The following RANBP6 variants were observed in gnomAD, a reference collection of about 807,000 sequenced individuals.
The protein encoded by RANBP6 is RAN binding protein 6.
Under a neutral mutation model 35.3 loss-of-function variants are expected in RANBP6, and 10 were observed. The ratio of observed to expected loss-of-function variants is 0.28; its 90% CI spans 0.17 to 0.48. The LOEUF is 0.48. RANBP6 is among the 20% of genes least tolerant of loss of function. RANBP6 has a pLI of 0.99. For synonymous variants in RANBP6, 514 were observed against 464.2 expected, an observed-to-expected ratio of 1.11 and a Z score of -1.38; for missense variants, 1,392 against 1,307.7, an observed-to-expected ratio of 1.06 and a Z score of -0.99.
Position 6,014,746 on chromosome 9 carries a change from G to C in RANBP6, c.862C>G (p.Leu288Val). The C allele has an allele frequency of 6.2e-7, 1 of 1,614,126 alleles. No homozygotes were observed. Among genetic ancestry groups the C allele is most frequent in the East Asian group, 2.2e-5 (1 of 44,886 alleles). The change falls in exon 1 of 1, where the codon CTC becomes GTC. Residue 288 changes from leucine to valine, a missense_variant. Leu to Val is a conservative substitution (Grantham distance 32). Coordinates refer to ENST00000259569, the MANE Select transcript of RANBP6 (RefSeq NM_012416.4). Reference protein sequence around the residue: ...RLSNLQRQLALEVIVTLSETA... With the variant: ...RLSNLQRQLAVEVIVTLSETA... The stretch of plus-strand genomic sequence containing the variant: ...TCAGACAAGGTCACTATAACTTCGA[G>C]GGCCAGCTGGCGCTGCAGATTACTA...
Position 6,014,512 on chromosome 9 carries a change from T to C in RANBP6, c.1096A>G (p.Met366Val), listed in dbSNP as rs1189450723. ...CGLGGKVVLP[M>V]TKEHIMQMLQ... is the part of the protein sequence containing the mutation. ...ATCTGCATGATATGCTCCTTGGTCA[T>C]TGGTAAAACAACTTTTCCACCAAGC... The change falls in exon 1 of 1, where the codon ATG becomes GTG. Residue 366 changes from methionine to valine, a missense_variant. Coordinates refer to ENST00000259569, the MANE Select transcript of RANBP6 (RefSeq NM_012416.4). The C allele has an allele frequency of 1.9e-6, 3 of 1,614,092 alleles. No homozygotes were observed. The highest frequency in any genetic ancestry group is 2.5e-6 in the Non-Finnish European group (3 of 1,180,042).
chr9:6,015,477 A>G lies in RANBP6; in HGVS notation c.131T>C (p.Ile44Thr). The G allele has an allele frequency of 1.9e-6, 3 of 1,614,114 alleles. No homozygotes were observed. Among genetic ancestry groups the G allele is most frequent in the Non-Finnish European group, 2.5e-6 (3 of 1,180,046 alleles). ...GAAGGTAGTCTTACACAGACCTGGG[A>G]TATTTTCATAGATTTCCTCTGCTTG... ...RRQAEEIYEN[I>T]PGLCKTTFLL... The change falls in exon 1 of 1, where the codon ATC becomes ACC. Residue 44 changes from isoleucine (I) to threonine (T), a missense_variant. By Grantham distance (89) the Ile-to-Thr change is moderately conservative. Transcript: ENST00000259569.
At position 6,014,094 on chromosome 9, in the gene RANBP6, A is replaced by T. The variant is rs1195643608; in HGVS notation, c.1514T>A (p.Leu505His). 1 of 1,613,964 alleles carries T rather than the reference A, an allele frequency of 6.2e-7. No individual in the cohort carries two copies. Among genetic ancestry groups the T allele is most frequent in the Non-Finnish European group, 8.5e-7 (1 of 1,180,028 alleles). ...AGTTCCATTCCGAATCAACTCTTGA[A>T]GTTTAATCACCAAGACGGAATGTAG... is the stretch of plus-strand genomic sequence containing the variant. ...KNLHSVLVIK[L>H]QELIRNGTKL... The change falls in exon 1 of 1, where the codon CTT (leucine) becomes CAT (histidine). Residue 505 changes from leucine to histidine, a missense_variant. Leu to His is a moderately conservative substitution (Grantham distance 99). Coordinates refer to ENST00000259569, the MANE Select transcript of RANBP6 (RefSeq NM_012416.4).
Position 6,013,839 on chromosome 9 carries a change from T to A in RANBP6, c.1769A>T (p.Gln590Leu). 1 of 1,614,068 alleles carries A rather than the reference T, an allele frequency of 6.2e-7. No homozygotes were observed. Residue 590 changes from glutamine to leucine, a missense_variant, in exon 1 of 1, where the codon CAG (glutamine) becomes CTG (leucine). Transcript: ENST00000259569. ...GTCTGATTGTGTCTTCAACAACAGC[T>A]GCATCACATTTGATGCATCTTGCAT... ...KFMQDASNVMQLLLKTQSDLN... is the reference protein window; with the variant it reads ...KFMQDASNVMLLLLKTQSDLN...
rs751258787 is a variant in RANBP6, at chr9:6,013,040, T to A, written c.2568A>T (p.Ser856=). The A allele has an allele frequency of 8.7e-6, 14 of 1,613,750 alleles. No individual in the cohort carries two copies. Among genetic ancestry groups the A allele is most frequent in the Non-Finnish European group, 1.2e-5 (14 of 1,179,936 alleles). ...TCTTTTCCTTATAAGTACTAAATAA[T>A]GAGTGCAAAATATCTGATACTTTGG... ...ILTKVSDILH[S]LFSTYKEKIL... Residue 856 remains serine (S), a synonymous_variant, in exon 1 of 1, where the codon TCA becomes TCT. Transcript: ENST00000259569.
chr9:6,012,242 T>C lies in RANBP6; in HGVS notation c.*48A>G. 1 of 1,304,868 alleles carries C rather than the reference T, an allele frequency of 7.7e-7. No individual in the cohort carries two copies. Among genetic ancestry groups the C allele is most frequent in the South Asian group, 1.5e-5 (1 of 64,744 alleles). The allele number at this position is 1,304,868 out of a possible 1,614,324, so 80.8% of individuals were successfully genotyped here. A position where few individuals can be genotyped will look rare whatever the true frequency, so the allele number is the denominator to read the frequency against. On this transcript the variant is annotated 3_prime_UTR_variant, in exon 1 of 1. Coordinates refer to ENST00000259569, the MANE Select transcript of RANBP6 (RefSeq NM_012416.4). ...AATAAAATCTATTCACAACACTTAT[T>C]TGTAGTTACTTTTATAATAGATAAT... is the stretch of plus-strand genomic sequence containing the variant.
At position 6,014,376 on chromosome 9, in the gene RANBP6, G is replaced by A; in HGVS notation, c.1232C>T (p.Ser411Phe). 6.2e-7 allele frequency: 1 copy of A among 1,613,864 alleles called. No homozygotes were observed. The highest frequency in any genetic ancestry group is 8.5e-7 in the Non-Finnish European group (1 of 1,179,754). Reference protein sequence around the residue: ...MESILDETVNSVLLFLQDPHP... With the variant: ...MESILDETVNFVLLFLQDPHP... ...AGGATCCTGAAGAAAAAGCAAAACG[G>A]AGTTAACTGTTTCATCTAGAATTGA... Residue 411 changes from serine (S) to phenylalanine (F), a missense_variant, in exon 1 of 1, where the codon TCC becomes TTC. Transcript: ENST00000259569.
Position 6,015,275 on chromosome 9 carries a change from A to G in RANBP6, c.333T>C (p.Ala111=), listed in dbSNP as rs1842554195. The G allele has an allele frequency of 6.2e-7, 1 of 1,614,236 alleles. No homozygotes were observed. The highest frequency in any genetic ancestry group is 8.5e-7 in the Non-Finnish European group (1 of 1,180,044). ...TATCACAAAGTTTTTTCCTCATGCT[A>G]GCATGTGTTTCTAACTTAACAGCCA... is the stretch of plus-strand genomic sequence containing the variant. The part of the protein sequence containing the change: ...LILAVKLETH[A]SMRKKLCDIF... Residue 111 remains alanine (A), a synonymous_variant, in exon 1 of 1, where the codon GCT becomes GCC. Coordinates refer to ENST00000259569, the MANE Select transcript of RANBP6 (RefSeq NM_012416.4).
rs745731616 is a variant in RANBP6 at position 6,012,698 on chromosome 9, G to A, written c.2910C>T (p.Thr970=). The A allele has an allele frequency of 5.6e-6, 9 of 1,607,708 alleles. No homozygotes were observed. In the East Asian group the frequency reaches 2.0e-4, roughly 36 times the overall value. The change falls in exon 1 of 1, where the codon ACC becomes ACT. Residue 970 remains threonine, a synonymous_variant. Coordinates refer to ENST00000259569, the MANE Select transcript of RANBP6 (RefSeq NM_012416.4). The part of the protein sequence containing the change: ...VKVIKCANSK[T]KKNVIATENC... ...TCTCTGTAGCAATGACATTTTTTTT[G>A]GTTTTGGAATTTGCACACTTAATAA... is the stretch of plus-strand genomic sequence containing the variant.
At position 6,014,830 on chromosome 9, in the gene RANBP6, C is replaced by A. The variant is rs530947222; in HGVS notation, c.778G>T (p.Gly260Cys). The A allele has an allele frequency of 6.2e-7, 1 of 1,614,164 alleles. No homozygotes were observed. The highest frequency in any genetic ancestry group is 1.1e-5 in the South Asian group (1 of 91,082). Residue 260 changes from glycine to cysteine, a missense_variant, in exon 1 of 1, where the codon GGT becomes TGT. Transcript: ENST00000259569. Reference sequence around the variant, plus strand: ...TGTAGAGTATCTTCTAAATAAGGACCCAAGTACTTAGGTACGGTATCTGCA... The same window carrying A: ...TGTAGAGTATCTTCTAAATAAGGACACAAGTACTTAGGTACGGTATCTGCA... Reference protein sequence around the residue: ...EIADTVPKYLGPYLEDTLQLS... With the variant: ...EIADTVPKYLCPYLEDTLQLS...
rs931005326 is a variant in RANBP6, at chr9:6,011,608, G to T, written c.*682C>A. The T allele has an allele frequency of 1.3e-5, 2 of 152,124 alleles. No homozygotes were observed. The highest frequency in any genetic ancestry group is 4.8e-5 in the African/African-American group (2 of 41,416). The allele number at this position is 152,124 out of a possible 1,614,324, so 9.4% of individuals were successfully genotyped here. ...TAGATGTATCAGGACTCCCTTTTCAGTAACTATGGTTCTTGGAGTCCTGGA... is the reference window on the plus strand; with the variant it reads ...TAGATGTATCAGGACTCCCTTTTCATTAACTATGGTTCTTGGAGTCCTGGA... On this transcript the variant is annotated 3_prime_UTR_variant, in exon 1 of 1. Transcript: ENST00000259569.
At position 6,012,476 on chromosome 9, in the gene RANBP6, G is replaced by A. The variant is rs1468916012; in HGVS notation, c.3132C>T (p.Pro1044=). Residue 1044 remains proline, a synonymous_variant, in exon 1 of 1, where the codon CCC becomes CCT. Coordinates refer to ENST00000259569, the MANE Select transcript of RANBP6 (RefSeq NM_012416.4). ...CTTCTGCAATTATACTGATTATTTT[G>A]GGAAGATTGGAATTATTTGGACCAA... The part of the protein sequence containing the change: ...VVIGPNNSNL[P]KIISIIAEGK... The A allele has an allele frequency of 6.2e-7, 1 of 1,611,620 alleles. No individual in the cohort carries two copies. Among genetic ancestry groups the A allele is most frequent in the East Asian group, 2.2e-5 (1 of 44,868 alleles).
At position 6,015,169 on chromosome 9, in the gene RANBP6, A is replaced by C; in HGVS notation, c.439T>G (p.Ser147Ala). ...WPEGLKFLID[S>A]IYSKNVVLWE... ...AGAACCACATTTTTGGAGTAGATTG[A>C]ATCAATAAGAAACTTCAGACCTTCC... is the stretch of plus-strand genomic sequence containing the variant. Residue 147 changes from serine (S) to alanine (A), a missense_variant, in exon 1 of 1, where the codon TCA (serine) becomes GCA (alanine). Physicochemically the swap from Ser to Ala is moderately conservative, Grantham distance 99. Coordinates refer to ENST00000259569, the MANE Select transcript of RANBP6 (RefSeq NM_012416.4). 1 of 1,614,166 alleles carries C rather than the reference A, an allele frequency of 6.2e-7. No individual in the cohort carries two copies. The highest frequency in any genetic ancestry group is 8.5e-7 in the Non-Finnish European group (1 of 1,180,056).
In RANBP6 at chr9:6,014,011, C is replaced by T; in HGVS notation, c.1597G>A (p.Glu533Lys). ...ATATCATAATATGGGACAAATTTTT[C>T]TTCTATTGTATCTGCAACTGATGCA... ...TIASVADTIE[E>K]KFVPYYDIFM... Residue 533 changes from glutamate to lysine, a missense_variant, in exon 1 of 1, where the codon GAA (glutamate) becomes AAA (lysine). By Grantham distance (56) the Glu-to-Lys change is moderately conservative. Transcript: ENST00000259569. 1 of 1,613,706 alleles carries T rather than the reference C, an allele frequency of 6.2e-7. No individual in the cohort carries two copies. Among genetic ancestry groups the T allele is most frequent in the Non-Finnish European group, 8.5e-7 (1 of 1,179,882 alleles).
chr9:6,015,446 T>C lies in RANBP6; in HGVS notation c.162A>G (p.Leu54=), dbSNP rs2129716604. 6.2e-7 allele frequency: 1 copy of C among 1,614,194 alleles called. No individual in the cohort carries two copies. The highest frequency in any genetic ancestry group is 1.1e-5 in the South Asian group (1 of 91,088). ...IPGLCKTTFL[L]DAVRNRRAGY... ...CTGCTCTTCTATTTCTGACGGCATC[T>C]AAGAGGAAGGTAGTCTTACACAGAC... Residue 54 remains leucine (L), a synonymous_variant, in exon 1 of 1, where the codon TTA becomes TTG. Coordinates refer to ENST00000259569, the MANE Select transcript of RANBP6 (RefSeq NM_012416.4).
Position 6,015,356 on chromosome 9 carries a change from C to G in RANBP6, c.252G>C (p.Glu84Asp). 6.2e-7 allele frequency: 1 copy of G among 1,614,214 alleles called. No homozygotes were observed. Among genetic ancestry groups the G allele is most frequent in the Non-Finnish European group, 8.5e-7 (1 of 1,180,044 alleles). Residue 84 changes from glutamate (E) to aspartate (D), a missense_variant, in exon 1 of 1, where the codon GAG (glutamate) becomes GAC (aspartate). By Grantham distance (45) the Glu-to-Asp change is conservative. Transcript: ENST00000259569. ...LRRLLSSGFE[E>D]VYPNLPADVQ... is the part of the protein sequence containing the mutation. ...CATCAGCAGGCAGATTTGGATAAAC[C>G]TCCTCAAACCCAGAGGACAAAAGCC...
chr9:6,012,102 T>C lies in RANBP6; in HGVS notation c.*188A>G. ...AAGCACAGGTTATCACCAAGGTCTGTGTTTGGAAGATAAAACATGCGAGAT... is the reference window on the plus strand; with the variant it reads ...AAGCACAGGTTATCACCAAGGTCTGCGTTTGGAAGATAAAACATGCGAGAT... On this transcript the variant is annotated 3_prime_UTR_variant, in exon 1 of 1. Coordinates refer to ENST00000259569, the MANE Select transcript of RANBP6 (RefSeq NM_012416.4). 6.3e-6 allele frequency: 3 copies of C among 476,868 alleles called. No homozygotes were observed. In the South Asian group the frequency reaches 1.3e-4, roughly 20 times the overall value. 29.5% of individuals were successfully genotyped at this position (476,868 alleles called of 1,614,324 possible).
At position 6,012,530 on chromosome 9, in the gene RANBP6, G is replaced by C; in HGVS notation, c.3078C>G (p.Asp1026Glu). 6.2e-7 allele frequency: 1 copy of C among 1,613,052 alleles called. No homozygotes were observed. The highest frequency in any genetic ancestry group is 1.7e-4 in the Middle Eastern group (1 of 6,054). ...CAACTGGGTGGTTACTTTCAATTAG[G>C]TCACAGAGAAAACTCAAAGTCTGAA... The part of the protein sequence containing the change: ...EAIQTLSFLC[D>E]LIESNHPVVI... The change falls in exon 1 of 1, where the codon GAC becomes GAG. Residue 1026 changes from aspartate to glutamate, a missense_variant. Coordinates refer to ENST00000259569, the MANE Select transcript of RANBP6 (RefSeq NM_012416.4).
rs771419317 is a variant in RANBP6, at chr9:6,015,166, T to C, written c.442A>G (p.Ile148Val). The C allele has an allele frequency of 5.0e-6, 8 of 1,613,968 alleles. No individual in the cohort carries two copies. The South Asian group carries it at 5.5e-5, about 11-fold the overall frequency. ...CATAGAACCACATTTTTGGAGTAGA[T>C]TGAATCAATAAGAAACTTCAGACCT... The part of the protein sequence containing the change: ...PEGLKFLIDS[I>V]YSKNVVLWEV... The change falls in exon 1 of 1, where the codon ATC (isoleucine) becomes GTC (valine). Residue 148 changes from isoleucine to valine, a missense_variant. Physicochemically the swap from Ile to Val is conservative, Grantham distance 29 (BLOSUM62 3). Transcript: ENST00000259569.
Sources: gnomAD v4.1 joint callset for allele counts on GRCh38, gnomAD v4.1.1 for gene constraint, MANE v1.5 for transcripts, NCBI Gene and HGNC (gene_info 2026-07-23, HGNC 2026-07-21) for gene names.